Variants in KCNJ3 observed in about 807,000 individuals in gnomAD.
KCNJ3 encodes potassium inwardly rectifying channel subfamily J member 3.
Under a neutral mutation model 39.2 loss-of-function variants are expected in KCNJ3, and 4 were observed. The ratio of observed to expected loss-of-function variants is 0.10; its 90% confidence interval spans 0.05 to 0.23. The LOEUF (loss-of-function observed/expected upper bound fraction) is 0.23. Ranked by LOEUF, KCNJ3 falls within the 10% of genes least tolerant of loss-of-function variation. The pLI is 1.00. For synonymous variants in KCNJ3, 230 were observed against 237.4 expected (o/e 0.97, Z 0.29); for missense variants, 276 against 634.9 (o/e 0.43, Z 6.08).
chr2:154,792,745 C>A (rs1686657164), intron 2 of KCNJ3, among the ~76,000 whole-genome samples: 1 of 152,074 alleles, frequency 6.6e-6, no homozygotes, highest in African/African-American at 2.4e-5. Context: ...TTATTGTTTT[C>A]TGTTTTAGTT....
At chr2:154,759,013 A>G (rs1685989183) in intron 2 of KCNJ3, among the ~76,000 whole-genome samples, 1 of 152,176 alleles carries the variant, frequency 6.6e-6, no homozygotes, top group South Asian at 2.1e-4. Flanking sequence ...AAAAACAGAA[A>G]AACAAGTTTC....
Position 154,699,475 on chromosome 2 carries a change from A to G in KCNJ3, c.700A>G (p.Lys234Glu). 1 of 1,582,432 alleles carries G rather than the reference A, an allele frequency of 6.3e-7. No individual in the cohort carries two copies. Among genetic ancestry groups the G allele is most frequent in the Non-Finnish European group, 8.5e-7 (1 of 1,169,770 alleles). The change falls in exon 1 of 3, where the codon AAA (lysine) becomes GAA (glutamate). Residue 234 changes from lysine (K) to glutamate (E), a missense_variant and splice_region_variant. This residue lies in a region of KCNJ3 where 77 missense variants were observed against 200.0 expected (regional missense o/e 0.38). Coordinates refer to ENST00000295101, the MANE Select transcript of KCNJ3 (RefSeq NM_002239.4). This position sits in a 1 kb window ranked among gnomAD's most constrained non-coding sequence, Gnocchi z 6.4. ...VSAQIRCKLL[K>E]SRQTPEGEFL... Reference sequence around the variant, plus strand: ...CGCGCAGATTCGCTGCAAGCTGCTCAAAGTAAGTGCTCCCCGCCCCTTCCC... The same window carrying G: ...CGCGCAGATTCGCTGCAAGCTGCTCGAAGTAAGTGCTCCCCGCCCCTTCCC...
At chr2:154,703,760 T>C (rs1442518549) in intron 1 of KCNJ3, among the ~76,000 whole-genome samples, 1 of 149,846 alleles carries the variant, frequency 6.7e-6, no homozygotes, top group East Asian at 2.0e-4. Context: ...AGTATGATCT[T>C]AATTTTATAA....
intron 2 of KCNJ3, among the ~76,000 whole-genome samples, chr2:154,836,462 A>G (rs2971903): frequency 0.2 from 30,198 of 152,024 alleles, 3,336 homozygotes; most frequent in East Asian, 0.4. Context: ...ATTACATGTA[A>G]GGAAATGAGA....
At chr2:154,756,762 AAAAT>A (rs1685944321) in intron 2 of KCNJ3, among the ~76,000 whole-genome samples, 1 of 152,054 alleles carries the variant, frequency 6.6e-6, no homozygotes, top group African/African-American at 2.4e-5. Context: ...AAGTATAATA[AAAAT>A]AAATAAAATA....
chr2:154,757,517 AT>A (rs751935169), intron 2 of KCNJ3, among the ~76,000 whole-genome samples: 4 of 151,846 alleles, frequency 2.6e-5, no homozygotes, highest in African/African-American at 4.8e-5. Context: ...TATTTTGTTG[AT>A]TTTTTTCTCC....
chr2:154,808,585 G>A (rs1369058382), intron 2 of KCNJ3, among the ~76,000 whole-genome samples: 1 of 152,088 alleles, frequency 6.6e-6, no homozygotes, highest in African/African-American at 2.4e-5. Flanking sequence ...CTTTGGTCCA[G>A]GTTGCCACCT....
At chr2:154,782,096 G>A (rs1323292981) in intron 2 of KCNJ3, among the ~76,000 whole-genome samples, 2 of 152,116 alleles carry the variant, frequency 1.3e-5, no homozygotes, top group African/African-American at 4.8e-5. Flanking sequence ...GCTTCATCAT[G>A]TTCATCATGT....
chr2:154,784,400 C>T (rs752360842), intron 2 of KCNJ3, among the ~76,000 whole-genome samples: 14 of 152,250 alleles, frequency 9.2e-5, no homozygotes, highest in African/African-American at 1.7e-4. Flanking sequence ...CTTTTTGAGA[C>T]GGAGTCTCGC....
chr2:154,794,374 A>T (rs1002873640), intron 2 of KCNJ3, among the ~76,000 whole-genome samples: 1 of 151,966 alleles, frequency 6.6e-6, no homozygotes, highest in African/African-American at 2.4e-5. Context: ...AAATGTTAAC[A>T]TTTTCAATTT....
At chr2:154,781,158 G>C (rs1388874170) in intron 2 of KCNJ3, among the ~76,000 whole-genome samples, 1 of 152,154 alleles carries the variant, frequency 6.6e-6, no homozygotes, top group Non-Finnish European at 1.5e-5. Context: ...CAAGGAAATG[G>C]ATTCTAGCCT....
At chr2:154,726,835 A>ACACACC (rs1553455093) in intron 2 of KCNJ3, among the ~76,000 whole-genome samples, 1,241 of 98,226 alleles carry the variant, frequency 0.013, 12 homozygotes, top group African/African-American at 0.02. Context: ...ACACACACAC[A>ACACACC]TACACCATGG....
At chr2:154,770,061 A>G (rs566335621) in intron 2 of KCNJ3, among the ~76,000 whole-genome samples, 7 of 152,320 alleles carry the variant, frequency 4.6e-5, no homozygotes, top group Non-Finnish European at 7.3e-5. Context: ...CTAATGATAG[A>G]TTAAGTTTCA....
intron 2 of KCNJ3, among the ~76,000 whole-genome samples, chr2:154,785,135 A>T (rs1686504857): frequency 1.3e-5 from 2 of 152,230 alleles, no homozygotes; most frequent in South Asian, 4.1e-4. Context: ...TAGAGAATAT[A>T]TGATGGCTAA....
intron 1 of KCNJ3, among the ~76,000 whole-genome samples, chr2:154,701,684 TAAAAC>T (rs1684899260): frequency 6.6e-6 from 1 of 152,114 alleles, no homozygotes. Context: ...AACATCTAGT[TAAAAC>T]AATACATATA....
Position 154,840,181 on chromosome 2 carries a change from T to G in KCNJ3, c.920-14546T>G, listed in dbSNP as rs1687550789. 2.0e-5 allele frequency among the ~76,000 whole-genome samples: 3 copies of G among 152,202 alleles called. No homozygotes were observed. In the South Asian group the frequency reaches 6.2e-4, roughly 32 times the overall value. On this transcript the variant is annotated intron_variant, in intron 2 of 2. Coordinates refer to ENST00000295101, the MANE Select transcript of KCNJ3 (RefSeq NM_002239.4). ...GCTAGCCAGTTTTCCCAGCACCATT[T>G]ATTAAATAAATAGGGAATCCTTCCC... is the stretch of plus-strand genomic sequence containing the variant.
At chr2:154,747,710 C>A (rs934922909) in intron 2 of KCNJ3, among the ~76,000 whole-genome samples, 1 of 151,914 alleles carries the variant, frequency 6.6e-6, no homozygotes, top group Non-Finnish European at 1.5e-5. Context: ...GTTAATTTCC[C>A]AAGAGAAATG....
At chr2:154,712,346 C>T (rs1049253357) in intron 2 of KCNJ3, among the ~76,000 whole-genome samples, 5 of 152,078 alleles carry the variant, frequency 3.3e-5, no homozygotes, top group African/African-American at 1.2e-4. Flanking sequence ...TACGTATTGC[C>T]TAGAACAAGA....
At position 154,744,539 on chromosome 2, in the gene KCNJ3, A is replaced by G. The variant is rs1685705119; in HGVS notation, c.919+34720A>G. Among the ~76,000 whole-genome samples the G allele has an allele frequency of 2.6e-5, 4 of 151,750 alleles. No individual in the cohort carries two copies. In the South Asian group the frequency reaches 8.3e-4, roughly 31 times the overall value. ...TGACTATTCAGATGTTCTATTTCATATTGTATTTTGGTAGTACATTTTTTT... is the reference window on the plus strand; with the variant it reads ...TGACTATTCAGATGTTCTATTTCATGTTGTATTTTGGTAGTACATTTTTTT... On this transcript the variant is annotated intron_variant, in intron 2 of 2. Transcript: ENST00000295101.
Sources: allele counts gnomAD v4.1 joint callset (sites outside exome capture counted in the v4.1 genomes callset), GRCh38; gene constraint gnomAD v4.1.1; regional missense constraint gnomAD v4.1.1; non-coding constraint Gnocchi (gnomAD v3.1); transcripts MANE v1.5; gene names NCBI Gene and HGNC (gene_info 2026-07-23, HGNC 2026-07-21).